The following NCOR2 variants were observed in gnomAD, a reference collection of about 807,000 sequenced individuals.
The protein encoded by NCOR2 is nuclear receptor corepressor 2.
Under a neutral mutation model 262.9 loss-of-function variants are expected in NCOR2, and 81 were observed. The ratio of observed to expected loss-of-function variants is 0.31; its 90% CI spans 0.26 to 0.37. The LOEUF is 0.37. NCOR2 is among the 10% of genes least tolerant of loss of function. The probability of loss-of-function intolerance (pLI) is 1.00; values close to 1 mark genes in which losing one functional copy is unlikely to be tolerated. For synonymous variants in NCOR2, 1,659 were observed against 1,559.3 expected, an observed-to-expected ratio of 1.06 and a Z score of -1.51; for missense variants, 3,385 against 3,621.4, an observed-to-expected ratio of 0.93 and a Z score of 1.68.
intron 27 of NCOR2, among the ~76,000 whole-genome samples, chr12:124,351,037 C>G (rs2037405954): frequency 6.6e-6 from 1 of 152,166 alleles, no homozygotes; most frequent in African/African-American, 2.4e-5. Context: ...ATGCCTGTTT[C>G]AGATGGGGAA....
intron 46 of NCOR2, among the ~76,000 whole-genome samples, chr12:124,325,801 T>C (rs2034579301): frequency 6.6e-6 from 1 of 152,196 alleles, no homozygotes; most frequent in South Asian, 2.1e-4. Flanking sequence ...TTGCCTGGAC[T>C]ATAGCAGTAG....
chr12:124,337,480 C>G (rs1385380548), intron 37 of NCOR2, among the ~76,000 whole-genome samples: 1 of 152,234 alleles, frequency 6.6e-6, no homozygotes, highest in Admixed American at 6.5e-5. Flanking sequence ...ATCTTACCAT[C>G]TAATTCAGAA....
At chr12:124,420,078 G>T in intron 12 of NCOR2, 23 bp from the exon 15 acceptor site, 2 of 1,589,562 alleles carry the variant, frequency 1.3e-6, no homozygotes, top group Non-Finnish European at 8.6e-7. Flanking sequence ...GAAAGAGGAC[G>T]CTGAGCAGGG....
intron 1 of NCOR2, among the ~76,000 whole-genome samples, chr12:124,507,049 A>G (rs932797034): frequency 1.3e-5 from 2 of 152,208 alleles, no homozygotes; most frequent in African/African-American, 4.8e-5. Context: ...ACCCCAGACT[A>G]CATGGAACAC....
Position 124,334,637 on chromosome 12 carries a change from C to A in NCOR2, c.6412-20G>T. 7.4e-7 allele frequency: 1 copy of A among 1,343,306 alleles called. No individual in the cohort carries two copies. Among genetic ancestry groups the A allele is most frequent in the Admixed American group, 3.6e-5 (1 of 28,050 alleles). 83.2% of individuals were successfully genotyped at this position (1,343,306 alleles called of 1,614,324 possible). ...GACCTCCTGCAGGCAAGTGGGGGGGCCCAGAGTCAGGCAGCACTCTCCTGA... is the reference window on the plus strand; with the variant it reads ...GACCTCCTGCAGGCAAGTGGGGGGGACCAGAGTCAGGCAGCACTCTCCTGA... On this transcript the variant is annotated intron_variant, in intron 40 of 46. Coordinates refer to ENST00000405201, the Ensembl canonical transcript of NCOR2.
rs370531517 is a variant in NCOR2, at chr12:124,543,608, G to A, written c.-164-7997C>T. On this transcript the variant is annotated intron_variant, in intron 1 of 32. Transcript: ENST00000458234. Reference sequence around the variant, plus strand: ...ACCTCGCCGCCCCTCTCCTCGCTGCGGGGTGTGGGGCCGCCATCAGAGACA... The same window carrying A: ...ACCTCGCCGCCCCTCTCCTCGCTGCAGGGTGTGGGGCCGCCATCAGAGACA... 7.9e-5 allele frequency among the ~76,000 whole-genome samples: 12 copies of A among 152,334 alleles called. No individual in the cohort carries two copies. In the East Asian group the frequency reaches 1.2e-3, roughly 15 times the overall value.
chr12:124,542,057 A>G (rs972907258), intron 1 of NCOR2, among the ~76,000 whole-genome samples: 10 of 151,780 alleles, frequency 6.6e-5, no homozygotes, highest in African/African-American at 1.9e-4. Flanking sequence ...CTTTGGGTCA[A>G]TCCCTGAGGG....
chr12:124,334,860 A>G, intron 40 of NCOR2: 1 of 612,792 alleles, frequency 1.6e-6, no homozygotes, highest in Non-Finnish European at 2.9e-6. Flanking sequence ...CATGACACTG[A>G]GAAACCTGGG....
intron 7 of NCOR2, 58 bp from the exon 10 acceptor site, chr12:124,438,054 C>A: frequency 6.6e-7 from 1 of 1,521,760 alleles, no homozygotes; most frequent in Non-Finnish European, 9.0e-7. Flanking sequence ...CGCTGCACCC[C>A]GTGCCATCCT....
chr12:124,494,106 A>G (rs1042670950), intron 1 of NCOR2, among the ~76,000 whole-genome samples: 11 of 152,198 alleles, frequency 7.2e-5, no homozygotes, highest in Non-Finnish European at 1.3e-4. Flanking sequence ...GGACTCCCCC[A>G]GGCAGGGCCA....
chr12:124,453,512 G>A (rs909510082), intron 6 of NCOR2, among the ~76,000 whole-genome samples: 6 of 152,206 alleles, frequency 3.9e-5, no homozygotes, highest in African/African-American at 9.6e-5. Context: ...GACGCAGGGC[G>A]CAGGCAGAGA....
chr12:124,540,106 T>TCA (rs61168320), upstream of NCOR2, among the ~76,000 whole-genome samples: 11,928 of 150,584 alleles, frequency 0.079, 503 homozygotes, highest in African/African-American at 0.1. Flanking sequence ...GGGGCCAAGG[T>TCA]CACACACACA....
At chr12:124,344,511 T>G (rs2036757145) in intron 32 of NCOR2, 86 bp downstream of exon 34, 3 of 1,250,134 alleles carry the variant, frequency 2.4e-6, no homozygotes, top group Non-Finnish European at 3.2e-6. Context: ...ATATCCCAGG[T>G]GCAAACTAAG....
At chr12:124,335,067 A>G in intron 40 of NCOR2, 68 bp downstream of exon 42, 1 of 1,609,226 alleles carries the variant, frequency 6.2e-7, no homozygotes, top group Non-Finnish European at 8.5e-7. Flanking sequence ...GGGGTTCCCC[A>G]TCCCCTCTCC....
rs1006712573 is a variant in NCOR2 at position 124,473,243 on chromosome 12, T to C, written c.412-112A>G. 43 of 1,277,980 alleles carry C rather than the reference T, an allele frequency of 3.4e-5. No individual in the cohort carries two copies. In the African/African-American group the frequency reaches 5.0e-4, roughly 15 times the overall value. 79.2% of individuals were successfully genotyped at this position (1,277,980 alleles called of 1,614,324 possible). On this transcript the variant is annotated intron_variant, in intron 3 of 46. Coordinates refer to ENST00000405201, the Ensembl canonical transcript of NCOR2. ...TGATTGGATTGAAGGAGGCAAAGTA[T>C]TGATCCTCGGTATGTCTGTGAGGGT...
intron 1 of NCOR2, among the ~76,000 whole-genome samples, chr12:124,491,129 G>A (rs540756877): frequency 2.6e-5 from 4 of 151,968 alleles, no homozygotes; most frequent in Admixed American, 6.5e-5. Context: ...CGCGAAGGGC[G>A]GTTGCATGGC....
At chr12:124,529,952 C>T (rs2050695785) in intron 1 of NCOR2, 1 of 151,718 alleles carries the variant, frequency 6.6e-6, no homozygotes, top group South Asian at 2.1e-4. Context: ...GACCTAGCAA[C>T]CCAATGCCTA....
intron 22 of NCOR2, among the ~76,000 whole-genome samples, chr12:124,360,237 G>A (rs552365350): frequency 9.8e-5 from 15 of 152,326 alleles, no homozygotes; most frequent in African/African-American, 3.6e-4. Flanking sequence ...CCACACCCTG[G>A]GCCGCACACT....
intron 1 of NCOR2, among the ~76,000 whole-genome samples, chr12:124,528,740 C>A (rs916971469): frequency 6.6e-5 from 10 of 152,212 alleles, no homozygotes; most frequent in African/African-American, 2.4e-4. Flanking sequence ...CTGGCAAACA[C>A]ATCACTGCAA....
Sources: gnomAD v4.1 joint callset for allele counts (sites outside exome capture counted in the v4.1 genomes callset) on GRCh38, gnomAD v4.1.1 for gene constraint, MANE v1.5 for transcripts, NCBI Gene and HGNC (gene_info 2026-07-23, HGNC 2026-07-21) for gene names.